Variants in DLGAP1 observed in about 807,000 individuals in gnomAD.
DLGAP1 encodes DLG associated protein 1.
DLGAP1 carries 11 observed loss-of-function variants against 90.8 expected under a neutral mutation model. The observed-to-expected ratio is 0.12, with a 90% confidence interval of 0.08 to 0.20. DLGAP1 has a LOEUF of 0.20. Among genes scored for constraint, DLGAP1 ranks in the 10% least tolerant of loss-of-function variants. The pLI, the probability that DLGAP1 is intolerant of heterozygous loss-of-function variation, is 1.00. For missense variants in DLGAP1, 1,050 were observed against 1,333.8 expected (o/e 0.79, Z 3.31); for synonymous variants, 558 against 540.7 (o/e 1.03, Z -0.44).
intron 7 of DLGAP1, among the ~76,000 whole-genome samples, chr18:3,620,466 G>A (rs1045522438): frequency 4.6e-5 from 7 of 152,066 alleles, no homozygotes; most frequent in African/African-American, 1.2e-4. Flanking sequence ...TCCGCTTGTG[G>A]GTGTAACTGG....
chr18:4,376,298 T>C (rs1262485371), intron 1 of DLGAP1, among the ~76,000 whole-genome samples: 1 of 152,176 alleles, frequency 6.6e-6, no homozygotes, highest in African/African-American at 2.4e-5. Context: ...CCATAACCTG[T>C]TCTCGTCTAT....
At chr18:3,532,012 A>C (rs1170827628) in intron 10 of DLGAP1, among the ~76,000 whole-genome samples, 2 of 151,756 alleles carry the variant, frequency 1.3e-5, no homozygotes, top group Admixed American at 6.6e-5. Flanking sequence ...GTGCCATTGC[A>C]CCTGGCTAAT....
At chr18:3,543,158 T>C (rs2052789669) in intron 9 of DLGAP1, among the ~76,000 whole-genome samples, 2 of 138,882 alleles carry the variant, frequency 1.4e-5, no homozygotes, top group Non-Finnish European at 3.1e-5. Flanking sequence ...TTTGTTCCCA[T>C]GACTCCAATT....
At chr18:3,588,779 C>CAA (rs11449545) in intron 7 of DLGAP1, among the ~76,000 whole-genome samples, 27,586 of 134,790 alleles carry the variant, frequency 0.2, 3,388 homozygotes, top group Middle Eastern at 0.32. Context: ...GACTCCATCT[C>CAA]AAAAAAAAAA....
At chr18:3,674,293 T>TAAA (rs763030375) in intron 7 of DLGAP1, among the ~76,000 whole-genome samples, 1 of 76,500 alleles carries the variant, frequency 1.3e-5, no homozygotes, top group African/African-American at 3.6e-5. Context: ...TCTATAATAT[T>TAAA]AAAATATATA....
At chr18:4,388,875 G>T (rs527252474) in intron 1 of DLGAP1, among the ~76,000 whole-genome samples, 1 of 152,280 alleles carries the variant, frequency 6.6e-6, no homozygotes, top group South Asian at 2.1e-4. Context: ...TGTCAGTGAG[G>T]ATGTGGAGAA....
chr18:3,702,478 G>A (rs889162097), intron 7 of DLGAP1, among the ~76,000 whole-genome samples: 1 of 152,354 alleles, frequency 6.6e-6, no homozygotes, highest in South Asian at 2.1e-4. Context: ...TCCCAAGAGA[G>A]GCAGCAACAG....
chr18:3,767,495 T>C (rs1388695547), intron 5 of DLGAP1, among the ~76,000 whole-genome samples: 1 of 152,044 alleles, frequency 6.6e-6, no homozygotes, highest in Non-Finnish European at 1.5e-5. Context: ...ACAAATGTTC[T>C]TATCAAAACA....
chr18:3,513,443 G>C (rs895635255), intron 10 of DLGAP1, among the ~76,000 whole-genome samples: 2 of 152,186 alleles, frequency 1.3e-5, no homozygotes, highest in African/African-American at 4.8e-5. Context: ...ACTATGCCAG[G>C]CTGCATGTAA....
chr18:4,340,324 CAGA>C (rs1249782196), intron 1 of DLGAP1, among the ~76,000 whole-genome samples: 1 of 152,048 alleles, frequency 6.6e-6, no homozygotes, highest in Non-Finnish European at 1.5e-5. Flanking sequence ...ATTCACATCC[CAGA>C]AGGACAAAGC....
chr18:3,541,219 C>T (rs1369465302), intron 9 of DLGAP1, among the ~76,000 whole-genome samples: 3 of 150,280 alleles, frequency 2.0e-5, no homozygotes, highest in Non-Finnish European at 4.4e-5. Context: ...TTGAAAAATA[C>T]ATAAAAAGGA....
chr18:3,515,190 G>T (rs2050758089), intron 10 of DLGAP1, among the ~76,000 whole-genome samples: 1 of 152,148 alleles, frequency 6.6e-6, no homozygotes, highest in African/African-American at 2.4e-5. Flanking sequence ...GAGTCAAGGG[G>T]CCGGGCGCGG....
In DLGAP1 at chr18:3,496,943, C is replaced by T. The variant is rs770519071; in HGVS notation, c.*2242G>A. ...CGTTCACTTAGACAAGATAAATAGG[C>T]CTTCTCTTGTCTCTCTTTAAAATAT... On this transcript the variant is annotated 3_prime_UTR_variant, in exon 13 of 13. Transcript: ENST00000315677. The T allele has an allele frequency of 1.3e-5, 2 of 152,122 alleles. No individual in the cohort carries two copies. The highest frequency in any genetic ancestry group is 2.9e-5 in the Non-Finnish European group (2 of 68,026). 9.4% of individuals were successfully genotyped at this position (152,122 alleles called of 1,614,324 possible). A position where few individuals can be genotyped will look rare whatever the true frequency, so the allele number is the denominator to read the frequency against.
intron 1 of DLGAP1, among the ~76,000 whole-genome samples, chr18:4,327,507 A>G (rs115309643): frequency 0.017 from 2,602 of 152,154 alleles, 29 homozygotes; most frequent in Middle Eastern, 0.048. Flanking sequence ...AGTATAATGG[A>G]TCAAGCTTTG....
At chr18:4,326,702 C>T (rs12959044) in intron 1 of DLGAP1, among the ~76,000 whole-genome samples, 8,151 of 151,916 alleles carry the variant, frequency 0.054, 300 homozygotes, top group African/African-American at 0.1. Context: ...GCAACAAGGA[C>T]GGTGCTGCAT....
chr18:3,798,343 T>G lies in DLGAP1; in HGVS notation c.1172+15716A>C, dbSNP rs530480253. 4.4e-4 allele frequency among the ~76,000 whole-genome samples: 67 copies of G among 152,298 alleles called. 1 individual carries two copies. The highest frequency in any genetic ancestry group is 1.6e-3 in the African/African-American group (66 of 41,566). On this transcript the variant is annotated intron_variant, in intron 5 of 12. Coordinates refer to ENST00000315677, the MANE Select transcript of DLGAP1 (RefSeq NM_004746.4). ...GAGGACAAAGCTGGAGGCAGCTTGG[T>G]GGAGCAGGTTGCTTCATGGTCAGCC...
intron 7 of DLGAP1, among the ~76,000 whole-genome samples, chr18:3,583,190 C>A (rs1217570399): frequency 6.7e-6 from 1 of 148,784 alleles, no homozygotes; most frequent in Non-Finnish European, 1.5e-5. Context: ...ACCTACCTTC[C>A]TTCCTTCCTT....
intron 3 of DLGAP1, among the ~76,000 whole-genome samples, chr18:3,947,543 G>A (rs759671311): frequency 6.6e-6 from 1 of 152,186 alleles, no homozygotes; most frequent in Non-Finnish European, 1.5e-5. Flanking sequence ...GACCAACTCT[G>A]TTCTAAACTA....
rs1012683881 is a variant in DLGAP1, at chr18:3,879,395, C to T, written c.674G>A (p.Gly225Asp). 2.5e-5 allele frequency: 40 copies of T among 1,612,932 alleles called. No individual in the cohort carries two copies. The highest frequency in any genetic ancestry group is 3.2e-5 in the Non-Finnish European group (38 of 1,179,980). Residue 225 changes from glycine (G) to aspartate (D), a missense_variant, in exon 4 of 13, where the codon GGC becomes GAC. Physicochemically the swap from Gly to Asp is moderately conservative, Grantham distance 94. Transcript: ENST00000315677. This position sits in a 1 kb window ranked among gnomAD's most constrained non-coding sequence, Gnocchi z 6.6. Reference sequence around the variant, plus strand: ...TGAGGCCGAGCGGTCGGGGCACCTGCCCATGGTCATCACGCCCGAGGGGGC... The same window carrying T: ...TGAGGCCGAGCGGTCGGGGCACCTGTCCATGGTCATCACGCCCGAGGGGGC... ...YHAPSGVMTM[G>D]RCPDRSASQY...
Sources: allele counts gnomAD v4.1 joint callset (sites outside exome capture counted in the v4.1 genomes callset), GRCh38; gene constraint gnomAD v4.1.1; non-coding constraint Gnocchi (gnomAD v3.1); transcripts MANE v1.5; gene names NCBI Gene and HGNC (gene_info 2026-07-23, HGNC 2026-07-21).